ZNF385D: variants seen among roughly 807,000 people sequenced by gnomAD.
ZNF385D encodes zinc finger protein 659.
A neutral mutation model predicts 35.8 loss-of-function variants in ZNF385D; 15 were observed. The observed-to-expected ratio is 0.42, with a 90% confidence interval of 0.28 to 0.64. ZNF385D has a LOEUF of 0.64. ZNF385D is among the 30% of genes least tolerant of loss of function. The probability of loss-of-function intolerance (pLI) is 0.23; values close to 1 mark genes in which losing one functional copy is unlikely to be tolerated. For missense variants in ZNF385D, 474 were observed against 494.6 expected, an observed-to-expected ratio of 0.96 and a Z score of 0.39; for synonymous variants, 212 against 186.8, an observed-to-expected ratio of 1.13 and a Z score of -1.10.
chr3:21,878,181 T>C (rs553989838), intron 3 of ZNF385D: 1 of 152,086 alleles, frequency 6.6e-6, no homozygotes, highest in African/African-American at 2.4e-5. Flanking sequence ...TATTACTACG[T>C]CTTACACATG....
At chr3:21,549,801 T>G (rs968156494) in intron 3 of ZNF385D, among the ~76,000 whole-genome samples, 1 of 152,188 alleles carries the variant, frequency 6.6e-6, no homozygotes, top group African/African-American at 2.4e-5. Context: ...GGACACTCTC[T>G]TATGAAAGAG....
intron 4 of ZNF385D, among the ~76,000 whole-genome samples, chr3:21,488,114 T>TA (rs1705166444): frequency 1.3e-5 from 2 of 151,178 alleles, no homozygotes; most frequent in Middle Eastern, 3.4e-3. Context: ...TTTGGATATA[T>TA]TTTTTTTTAA....
intron 3 of ZNF385D, among the ~76,000 whole-genome samples, chr3:22,009,229 G>T (rs1696409871): frequency 6.6e-6 from 1 of 152,076 alleles, no homozygotes; most frequent in Non-Finnish European, 1.5e-5. Context: ...AGTAATGTTT[G>T]AAACAGAGAA....
intron 3 of ZNF385D, among the ~76,000 whole-genome samples, chr3:21,934,964 AG>A (rs1208040647): frequency 1.3e-5 from 2 of 152,226 alleles, no homozygotes; most frequent in Non-Finnish European, 2.9e-5. Flanking sequence ...GTGAGTAAGA[AG>A]ATGAGCAAAA....
chr3:22,071,325 G>A (rs1700219215), intron 3 of ZNF385D, among the ~76,000 whole-genome samples: 2 of 152,196 alleles, frequency 1.3e-5, no homozygotes, highest in South Asian at 4.2e-4. Context: ...AAGGTATACA[G>A]CAACCTATCT....
At chr3:21,772,048 T>G (rs981658117) in intron 3 of ZNF385D, among the ~76,000 whole-genome samples, 3 of 151,912 alleles carry the variant, frequency 2.0e-5, no homozygotes, top group African/African-American at 7.2e-5. Flanking sequence ...GTAAATGGAC[T>G]GTTATCTAAA....
intron 1 of ZNF385D, among the ~76,000 whole-genome samples, chr3:21,711,186 AGCCCACCATCAC>A (rs2068094206): frequency 6.6e-6 from 1 of 151,170 alleles, no homozygotes; most frequent in African/African-American, 2.4e-5. Context: ...GGACTACAGG[AGCCCACCATCAC>A]GCCCGGCTAA....
intron 2 of ZNF385D, among the ~76,000 whole-genome samples, chr3:22,245,928 AT>A (rs1266219324): frequency 6.6e-6 from 1 of 152,132 alleles, no homozygotes; most frequent in Admixed American, 6.6e-5. Context: ...AGTGGTTTAG[AT>A]TAAGTGTCAT....
At chr3:21,703,056 C>T (rs190822258) in intron 1 of ZNF385D, among the ~76,000 whole-genome samples, 226 of 152,244 alleles carry the variant, frequency 1.5e-3, no homozygotes, top group African/African-American at 5.3e-3. Flanking sequence ...TTTTCAGCAA[C>T]GTCTCACTCT....
intron 3 of ZNF385D, among the ~76,000 whole-genome samples, chr3:22,060,491 A>C (rs530625248): frequency 6.6e-6 from 1 of 152,326 alleles, no homozygotes; most frequent in South Asian, 2.1e-4. Context: ...CCAAAGATGA[A>C]ATTAAACCAT....
At chr3:21,473,967 TTATATA>T (rs953009521) in intron 4 of ZNF385D, among the ~76,000 whole-genome samples, 2 of 152,040 alleles carry the variant, frequency 1.3e-5, no homozygotes, top group East Asian at 3.9e-4. Context: ...ATATGCCTTG[TTATATA>T]TATATAAATA....
At chr3:21,822,647 G>T (rs927488180) in intron 3 of ZNF385D, among the ~76,000 whole-genome samples, 1 of 152,070 alleles carries the variant, frequency 6.6e-6, no homozygotes, top group South Asian at 2.1e-4. Flanking sequence ...GTTGATACTG[G>T]CATTATTAAA....
At chr3:22,043,316 A>G (rs1325941380) in intron 3 of ZNF385D, among the ~76,000 whole-genome samples, 4 of 152,108 alleles carry the variant, frequency 2.6e-5, no homozygotes, top group Non-Finnish European at 5.9e-5. Context: ...GTGAATTATT[A>G]TGTTTCTTAC....
intron 2 of ZNF385D, among the ~76,000 whole-genome samples, chr3:22,179,002 T>C (rs1297615457): frequency 6.6e-6 from 1 of 152,160 alleles, no homozygotes; most frequent in Non-Finnish European, 1.5e-5. Context: ...GTAGTATAGT[T>C]TGAAGTCAGG....
intron 3 of ZNF385D, among the ~76,000 whole-genome samples, chr3:21,860,853 C>T (rs1168762988): frequency 6.6e-6 from 1 of 152,072 alleles, no homozygotes; most frequent in Admixed American, 6.6e-5. Flanking sequence ...TTGGAGATTC[C>T]TGTCAAACCA....
intron 3 of ZNF385D, among the ~76,000 whole-genome samples, chr3:22,113,072 T>C (rs1183251400): frequency 1.3e-5 from 2 of 152,062 alleles, no homozygotes; most frequent in Admixed American, 6.6e-5. Context: ...AAGTGACAAA[T>C]CATTTACACA....
chr3:21,425,956 A>G (rs1307854391), intron 5 of ZNF385D, among the ~76,000 whole-genome samples: 2 of 152,138 alleles, frequency 1.3e-5, no homozygotes, highest in African/African-American at 4.8e-5. Context: ...CACCGTTAGT[A>G]TAGTAACTAA....
chr3:21,982,953 G>C (rs897216118), intron 3 of ZNF385D, among the ~76,000 whole-genome samples: 1 of 151,918 alleles, frequency 6.6e-6, no homozygotes, highest in African/African-American at 2.4e-5. Flanking sequence ...CTTGATCATA[G>C]CGGATTAGCT....
At position 21,412,655 on chromosome 3, in the gene ZNF385D, A is replaced by C. The variant is rs1463255296; in HGVS notation, c.*8559T>G. 1 of 152,110 alleles carries C rather than the reference A, an allele frequency of 6.6e-6. No homozygotes were observed. The highest frequency in any genetic ancestry group is 1.5e-5 in the Non-Finnish European group (1 of 67,978). The allele number at this position is 152,110 out of a possible 1,614,324, so 9.4% of individuals were successfully genotyped here. On this transcript the variant is annotated 3_prime_UTR_variant, in exon 8 of 8. Transcript: ENST00000281523. ...GTCAAAGAGAGAGGATATAATGGCT[A>C]AGGATGTTCCTAGAGCTGCTGAAGG...
Sources: allele counts gnomAD v4.1 joint callset (sites outside exome capture counted in the v4.1 genomes callset), GRCh38; gene constraint gnomAD v4.1.1; transcripts MANE v1.5; gene names NCBI Gene and HGNC (gene_info 2026-07-23, HGNC 2026-07-21).